Variants in GADL1 observed in about 807,000 individuals in gnomAD.
The protein encoded by GADL1 is GAD like acidic amino acid decarboxylase 1.
A neutral mutation model predicts 69.5 loss-of-function variants in GADL1; 71 were observed. The ratio of observed to expected loss-of-function variants is 1.02; its 90% CI spans 0.84 to 1.25. GADL1 has a LOEUF of 1.25. Among genes scored for constraint, GADL1 ranks in the 50% most tolerant of loss-of-function variants. The pLI, the probability that GADL1 is intolerant of heterozygous loss-of-function variation, is 0.00. For synonymous variants in GADL1, 254 were observed against 214.4 expected (o/e 1.18, Z -1.62); for missense variants, 737 against 631.8 (o/e 1.17, Z -1.79).
At chr3:30,751,658 C>T (rs947287255) in intron 14 of GADL1, among the ~76,000 whole-genome samples, 3 of 152,030 alleles carry the variant, frequency 2.0e-5, no homozygotes, top group Admixed American at 6.5e-5. Flanking sequence ...GAATTATCTC[C>T]CTATAAGCCC....
At chr3:30,821,806 G>A (rs576054944) in intron 11 of GADL1, among the ~76,000 whole-genome samples, 2 of 151,586 alleles carry the variant, frequency 1.3e-5, no homozygotes, top group East Asian at 1.9e-4. Context: ...AATGATTACA[G>A]CAAGGTGGAC....
At chr3:30,850,251 C>G in intron 5 of GADL1, 140 bp from the exon 6 acceptor site, 1 of 640,014 alleles carries the variant, frequency 1.6e-6, no homozygotes. Flanking sequence ...GAACACCGAC[C>G]TCCCTGCTCC....
intron 14 of GADL1, among the ~76,000 whole-genome samples, chr3:30,763,077 T>C (rs552471203): frequency 6.6e-6 from 1 of 152,222 alleles, no homozygotes; most frequent in South Asian, 2.1e-4. Context: ...TCATTTTAGG[T>C]TGACAATTAA....
At chr3:30,871,521 G>T (rs910362534) in intron 1 of GADL1, among the ~76,000 whole-genome samples, 28 of 151,872 alleles carry the variant, frequency 1.8e-4, no homozygotes, top group Middle Eastern at 6.8e-3. Context: ...CCTCCAGTAA[G>T]TCTATGTTCT....
chr3:30,756,167 T>C (rs976525138), intron 14 of GADL1, among the ~76,000 whole-genome samples: 1 of 152,162 alleles, frequency 6.6e-6, no homozygotes, highest in East Asian at 1.9e-4. Context: ...AAGCATTCAT[T>C]TTCACTTTAT....
intron 8 of GADL1, 131 bp downstream of exon 8, chr3:30,844,079 C>T (rs2125528598): frequency 2.9e-6 from 2 of 692,112 alleles, no homozygotes; most frequent in Non-Finnish European, 5.1e-6. Flanking sequence ...CATTCTCTCT[C>T]CTCTCTCCCA....
At chr3:30,762,544 C>CA (rs1696163636) in intron 14 of GADL1, among the ~76,000 whole-genome samples, 1 of 152,110 alleles carries the variant, frequency 6.6e-6, no homozygotes, top group Non-Finnish European at 1.5e-5. Context: ...TGTTTTGATA[C>CA]AGGCATGCAC....
At chr3:30,750,576 G>A (rs7637267) in intron 14 of GADL1, among the ~76,000 whole-genome samples, 31,327 of 152,098 alleles carry the variant, frequency 0.21, 4,764 homozygotes, top group African/African-American at 0.43. Flanking sequence ...GATGTTTCCA[G>A]TGTAATGAAA....
intron 1 of GADL1, among the ~76,000 whole-genome samples, chr3:30,888,688 A>C (rs1698741981): frequency 6.6e-6 from 1 of 152,184 alleles, no homozygotes; most frequent in African/African-American, 2.4e-5. Context: ...AGGGCTGCAT[A>C]ACAACAAGGA....
intron 11 of GADL1, among the ~76,000 whole-genome samples, chr3:30,811,867 G>A (rs1247435763): frequency 2.6e-5 from 4 of 152,168 alleles, no homozygotes; most frequent in East Asian, 3.8e-4. Context: ...AATTTTCAGT[G>A]TGAAGTAAGG....
chr3:30,808,770 A>G (rs982781074), intron 11 of GADL1, among the ~76,000 whole-genome samples: 1 of 152,168 alleles, frequency 6.6e-6, no homozygotes, highest in African/African-American at 2.4e-5. Flanking sequence ...CACTACTTTT[A>G]TCTTTCTCTT....
At chr3:30,778,422 T>G (rs941016181) in intron 13 of GADL1, among the ~76,000 whole-genome samples, 154 bp from the exon 14 acceptor site, 1 of 152,330 alleles carries the variant, frequency 6.6e-6, no homozygotes, top group Admixed American at 6.5e-5. Flanking sequence ...CCTTCTGCCT[T>G]CTTGATAACA....
chr3:30,832,109 T>C (rs1279987965), intron 11 of GADL1, among the ~76,000 whole-genome samples: 1 of 151,766 alleles, frequency 6.6e-6, no homozygotes, highest in Non-Finnish European at 1.5e-5. Context: ...ACAAAAGAGA[T>C]AGAAAACTGC....
intron 14 of GADL1, among the ~76,000 whole-genome samples, chr3:30,738,092 C>T (rs775068867): frequency 5.3e-5 from 8 of 152,180 alleles, no homozygotes; most frequent in Non-Finnish European, 7.3e-5. Context: ...AAAGCAAAAG[C>T]TTAATACCCA....
intron 14 of GADL1, among the ~76,000 whole-genome samples, chr3:30,740,605 A>G (rs1695602870): frequency 6.6e-6 from 1 of 152,080 alleles, no homozygotes; most frequent in East Asian, 1.9e-4. Flanking sequence ...TTCCCCCCAA[A>G]GGTCTCTTTT....
intron 11 of GADL1, among the ~76,000 whole-genome samples, chr3:30,806,008 T>A (rs746454863): frequency 2.6e-5 from 4 of 151,932 alleles, no homozygotes; most frequent in Middle Eastern, 3.2e-3. Context: ...ACCACTCACC[T>A]CCTGCTGTGT....
At chr3:30,790,941 A>C (rs1177525995) in intron 12 of GADL1, among the ~76,000 whole-genome samples, 1 of 152,186 alleles carries the variant, frequency 6.6e-6, no homozygotes, top group Non-Finnish European at 1.5e-5. Flanking sequence ...ATGATAAATT[A>C]GTAAAAGATA....
At chr3:30,884,471 A>C (rs887089816) in intron 1 of GADL1, among the ~76,000 whole-genome samples, 5 of 152,076 alleles carry the variant, frequency 3.3e-5, no homozygotes, top group African/African-American at 9.7e-5. Flanking sequence ...CGAGAGATGG[A>C]ATCTGAGCAC....
intron 14 of GADL1, among the ~76,000 whole-genome samples, chr3:30,770,891 T>C (rs1483176420): frequency 6.6e-6 from 1 of 152,208 alleles, no homozygotes; most frequent in Non-Finnish European, 1.5e-5. Flanking sequence ...CTGGCTTTTC[T>C]GGAGAGTTCA....
Sources: gnomAD v4.1 joint callset for allele counts (sites outside exome capture counted in the v4.1 genomes callset) on GRCh38, gnomAD v4.1.1 for gene constraint, MANE v1.5 for transcripts, NCBI Gene and HGNC (gene_info 2026-07-23, HGNC 2026-07-21) for gene names.